Variants in DHRSX observed in about 807,000 individuals in gnomAD.
DHRSX encodes dehydrogenase/reductase X-linked.
Under a neutral mutation model 34.0 loss-of-function variants are expected in DHRSX, and 31 were observed. The ratio of observed to expected loss-of-function variants is 0.91; its 90% confidence interval spans 0.69 to 1.23. The LOEUF (loss-of-function observed/expected upper bound fraction) is 1.23. DHRSX is among the 50% of genes most tolerant of loss of function. The pLI is 0.00. For missense variants in DHRSX, 414 were observed against 428.1 expected (o/e 0.97, Z 0.29); for synonymous variants, 201 against 183.8 (o/e 1.09, Z -0.76).
chrX:2,292,604 C>A (rs898590090), intron 3 of DHRSX, among the ~76,000 whole-genome samples: 1 of 151,168 alleles, frequency 6.6e-6, no homozygotes, highest in Non-Finnish European at 1.5e-5. Context: ...ATATAATAAT[C>A]AAACAGGAAG....
chrX:2,360,358 G>A (rs1244454272), intron 3 of DHRSX, among the ~76,000 whole-genome samples: 4 of 152,192 alleles, frequency 2.6e-5, no homozygotes, highest in East Asian at 1.9e-4. Context: ...GCCAAGGTGG[G>A]CGGATCACGA....
At chrX:2,344,101 T>A (rs1374331399) in intron 3 of DHRSX, among the ~76,000 whole-genome samples, 1 of 152,176 alleles carries the variant, frequency 6.6e-6, no homozygotes, top group African/African-American at 2.4e-5. Flanking sequence ...TGGGCCTGGT[T>A]TTCTATCTCT....
At chrX:2,256,882 C>T (rs1193419964) in intron 5 of DHRSX, among the ~76,000 whole-genome samples, 1 of 152,156 alleles carries the variant, frequency 6.6e-6, no homozygotes, top group African/African-American at 2.4e-5. Context: ...CTTGCCAACC[C>T]CTGTTCTCCA....
intron 3 of DHRSX, among the ~76,000 whole-genome samples, chrX:2,296,852 AC>A (rs1327009170): frequency 6.2e-5 from 2 of 32,440 alleles, no homozygotes; most frequent in African/African-American, 1.0e-4. Context: ...AGGCAGATAG[AC>A]CCCAGGCAGA....
chrX:2,335,369 C>T (rs1382841425), intron 3 of DHRSX, among the ~76,000 whole-genome samples: 5 of 151,818 alleles, frequency 3.3e-5, no homozygotes, highest in Admixed American at 2.0e-4. Flanking sequence ...TCCAGAAACA[C>T]GGGGACGACT....
chrX:2,238,821 G>C (rs1487748623), intron 6 of DHRSX, among the ~76,000 whole-genome samples: 1 of 151,452 alleles, frequency 6.6e-6, no homozygotes, highest in East Asian at 1.9e-4. Context: ...CTGACCTCAA[G>C]TAATCCACTC....
intron 4 of DHRSX, among the ~76,000 whole-genome samples, chrX:2,271,436 G>T (rs1052129582): frequency 2.0e-5 from 3 of 152,192 alleles, no homozygotes; most frequent in Admixed American, 6.5e-5. Context: ...GGAGAAATGA[G>T]CAGACTGTTC....
chrX:2,462,152 C>T (rs1170773978), intron 1 of DHRSX, among the ~76,000 whole-genome samples: 1 of 148,946 alleles, frequency 6.7e-6, no homozygotes, highest in East Asian at 2.0e-4. Context: ...TTTCTCCACC[C>T]AGGACGAATA....
At chrX:2,489,634 C>A in intron 1 of DHRSX, 1 of 1,612,608 alleles carries the variant, frequency 6.2e-7, no homozygotes, top group South Asian at 1.1e-5. Context: ...CCTTGAGGCG[C>A]TGCAGCATGG....
At chrX:2,483,539 G>C (rs1247013346) in intron 1 of DHRSX, among the ~76,000 whole-genome samples, 1 of 152,120 alleles carries the variant, frequency 6.6e-6, no homozygotes, top group Non-Finnish European at 1.5e-5. Context: ...AAAGTGCTGG[G>C]ATCACAGGCA....
chrX:2,499,874 G>A (rs1367370878), intron 1 of DHRSX, among the ~76,000 whole-genome samples: 4 of 151,716 alleles, frequency 2.6e-5, no homozygotes, highest in Admixed American at 6.6e-5. Context: ...GCAAGACCCC[G>A]TCTACAAAAC....
intron 1 of DHRSX, among the ~76,000 whole-genome samples, chrX:2,484,182 A>G (rs2044821544): frequency 1.3e-5 from 2 of 152,166 alleles, no homozygotes; most frequent in Non-Finnish European, 2.9e-5. Context: ...CATGTTGGCC[A>G]GGCTGGTCTT....
chrX:2,248,339 A>G (rs1157135665), intron 5 of DHRSX, among the ~76,000 whole-genome samples: 3 of 151,732 alleles, frequency 2.0e-5, no homozygotes, highest in Non-Finnish European at 4.4e-5. Context: ...AGGCTGAGGC[A>G]GGAGAATGGT....
chrX:2,269,900 TTGTG>T (rs1340910202), intron 4 of DHRSX, among the ~76,000 whole-genome samples: 1 of 152,182 alleles, frequency 6.6e-6, no homozygotes, highest in Non-Finnish European at 1.5e-5. Flanking sequence ...CTGTATGTAT[TTGTG>T]TATGTATATG....
chrX:2,282,592 A>AAAG (rs2041723080), intron 4 of DHRSX, among the ~76,000 whole-genome samples: 1 of 108,250 alleles, frequency 9.2e-6, no homozygotes, highest in South Asian at 3.5e-4. Flanking sequence ...GAGAGAGAAG[A>AAAG]AAGAGGGGAG....
chrX:2,261,624 C>G, intron 5 of DHRSX: 1 of 152,082 alleles, frequency 6.6e-6, no homozygotes, highest in Non-Finnish European at 1.5e-5. Flanking sequence ...ATACAAAAAT[C>G]AACTGGACGT....
chrX:2,408,951 T>C, intron 2 of DHRSX, 138 bp from the exon 3 acceptor site: 1 of 760,174 alleles, frequency 1.3e-6, no homozygotes, highest in South Asian at 1.8e-5. Context: ...CCCTTTATCC[T>C]AGCGTCTAAC....
chrX:2,243,287 T>G lies in DHRSX; in HGVS notation c.597-57A>C, dbSNP rs2016186487. On this transcript the variant is annotated intron_variant, in intron 5 of 6. Coordinates refer to ENST00000334651, the MANE Select transcript of DHRSX (RefSeq NM_145177.3). Reference sequence around the variant, plus strand: ...CTGACGGCGTTCACGCCTAAGTGCTTCATCCCAGCAGCATCTGTACCTGCG... The same window carrying G: ...CTGACGGCGTTCACGCCTAAGTGCTGCATCCCAGCAGCATCTGTACCTGCG... 181 of 1,499,934 alleles carry G rather than the reference T, an allele frequency of 1.2e-4. 12 individuals are homozygous for G. The South Asian group carries it at 2.0e-3, about 17-fold the overall frequency. The allele number at this position is 1,499,934 out of a possible 1,614,324, so 92.9% of individuals were successfully genotyped here. A position where few individuals can be genotyped will look rare whatever the true frequency, so the allele number is the denominator to read the frequency against.
chrX:2,298,477 T>C (rs2041962450), intron 3 of DHRSX, among the ~76,000 whole-genome samples: 1 of 151,198 alleles, frequency 6.6e-6, no homozygotes, highest in Admixed American at 6.6e-5. Flanking sequence ...GAAGTTTCTG[T>C]TCAAGATCCT....
Sources: gnomAD v4.1 joint callset for allele counts (sites outside exome capture counted in the v4.1 genomes callset) on GRCh38, gnomAD v4.1.1 for gene constraint, MANE v1.5 for transcripts, NCBI Gene and HGNC (gene_info 2026-07-23, HGNC 2026-07-21) for gene names.